The following TOR1AIP1 variants were observed in gnomAD, a reference collection of about 807,000 sequenced individuals.
TOR1AIP1 encodes torsin-1A-interacting protein 1.
TOR1AIP1 carries 54 observed loss-of-function variants against 63.3 expected under a neutral mutation model. The observed-to-expected ratio is 0.85, with a 90% CI of 0.69 to 1.07. The LOEUF is 1.07. Among genes scored for constraint, TOR1AIP1 ranks in the 50% least tolerant of loss-of-function variants. The probability of loss-of-function intolerance (pLI) is 0.00; values close to 1 mark genes in which losing one functional copy is unlikely to be tolerated. For missense variants in TOR1AIP1, 736 were observed against 715.0 expected, an observed-to-expected ratio of 1.03 and a Z score of -0.33; for synonymous variants, 294 against 273.5, an observed-to-expected ratio of 1.07 and a Z score of -0.74.
chr1:179,902,420 C>T (rs925797049), intron 5 of TOR1AIP1, among the ~76,000 whole-genome samples: 1 of 151,956 alleles, frequency 6.6e-6, no homozygotes, highest in Non-Finnish European at 1.5e-5. Flanking sequence ...CAGGATCTCT[C>T]TCTGTCACCC....
At chr1:179,887,711 A>G (rs777265772) in intron 2 of TOR1AIP1, 1 of 152,206 alleles carries the variant, frequency 6.6e-6, no homozygotes, top group African/African-American at 2.4e-5. Context: ...GACAAATTCT[A>G]TTTACTTTTC....
chr1:179,889,077 A>G (rs1056876232), intron 2 of TOR1AIP1, among the ~76,000 whole-genome samples: 1 of 152,226 alleles, frequency 6.6e-6, no homozygotes, highest in Non-Finnish European at 1.5e-5. Context: ...TTTGCTGAGA[A>G]AAAATGCAAA....
intron 6 of TOR1AIP1, among the ~76,000 whole-genome samples, chr1:179,906,740 C>CG (rs1558044597): frequency 3.6e-5 from 5 of 139,940 alleles, no homozygotes; most frequent in Middle Eastern, 7.2e-3. Flanking sequence ...GTTCCCCCCC[C>CG]CCCTTTTTTT....
In TOR1AIP1 at chr1:179,917,985, A is replaced by T. The variant is rs751149864; in HGVS notation, c.1498A>T (p.Asn500Tyr). ...LIFYKYCDHE[N>Y]AAFKDVALVL... ...CTTCTACAAATATTGTGACCATGAA[A>T]ACGCGGCCTTCAAAGATGTAGCCTT... is the stretch of plus-strand genomic sequence containing the variant. The change falls in exon 10 of 10, where the codon AAC becomes TAC. Residue 500 changes from asparagine (N) to tyrosine (Y), a missense_variant. Transcript: ENST00000606911. The T allele has an allele frequency of 6.2e-7, 1 of 1,614,234 alleles. No homozygotes were observed. The highest frequency in any genetic ancestry group is 1.7e-5 in the Admixed American group (1 of 60,020).
chr1:179,903,999 A>T lies in TOR1AIP1; in HGVS notation c.773A>T (p.Glu258Val). ...KTTRSSSQYI[E>V]SFWQSSQSQN... ...ACCAGATCATCTAGTCAATATATAG[A>T]ATCATTTTGGCAGTCATCACAAAGT... The change falls in exon 6 of 10, where the codon GAA (glutamate) becomes GTA (valine). Residue 258 changes from glutamate (E) to valine (V), a missense_variant. Transcript: ENST00000606911. The T allele has an allele frequency of 6.2e-7, 1 of 1,608,554 alleles. No homozygotes were observed. The highest frequency in any genetic ancestry group is 8.5e-7 in the Non-Finnish European group (1 of 1,176,318).
intron 8 of TOR1AIP1, chr1:179,913,702 C>A (rs1648906487): frequency 1.0e-5 from 7 of 701,508 alleles, no homozygotes; most frequent in Non-Finnish European, 1.8e-5. Flanking sequence ...TTTCACCAAT[C>A]CCATTAGATA....
intron 8 of TOR1AIP1, among the ~76,000 whole-genome samples, chr1:179,910,582 T>C (rs1648801890): frequency 6.6e-6 from 1 of 152,240 alleles, no homozygotes. Flanking sequence ...TTTCCTCTTA[T>C]AATTTGCTCT....
At chr1:179,904,206 C>T (rs957999483) in intron 6 of TOR1AIP1, among the ~76,000 whole-genome samples, 184 bp downstream of exon 6, 3 of 152,112 alleles carry the variant, frequency 2.0e-5, no homozygotes, top group African/African-American at 7.2e-5. Context: ...ATTCTCTATA[C>T]CCAAACCTGA....
rs1553243784 is a variant in TOR1AIP1, at chr1:179,907,655, TTA to T, written c.797-157_797-156del. Among the ~76,000 whole-genome samples, 4 of 138,788 alleles carry T rather than the reference TTA, an allele frequency of 2.9e-5. No homozygotes were observed. The Admixed American group carries it at 3.0e-4, about 10-fold the overall frequency. The allele number at this position is 138,788 out of a possible 152,430, so 91.1% of individuals were successfully genotyped here. ...TATATATATAGTATATGTATGTTTT[TTA>T]TATATATATACTTTATATATTTATA... On this transcript the variant is annotated intron_variant, in intron 6 of 9. Coordinates refer to ENST00000606911, the MANE Select transcript of TOR1AIP1 (RefSeq NM_015602.4).
At chr1:179,899,434 A>T (rs1376051573) in intron 3 of TOR1AIP1, among the ~76,000 whole-genome samples, 1 of 152,164 alleles carries the variant, frequency 6.6e-6, no homozygotes, top group African/African-American at 2.4e-5. Context: ...CTTTGGATAC[A>T]CCAATGCTCG....
chr1:179,901,213 A>G, intron 4 of TOR1AIP1, 89 bp from the exon 5 acceptor site: 1 of 782,080 alleles, frequency 1.3e-6, no homozygotes, highest in Non-Finnish European at 2.0e-6. Flanking sequence ...GGCTTCTTTT[A>G]ATGTTAAATT....
At chr1:179,913,836 A>T (rs1648910241) in intron 8 of TOR1AIP1, among the ~76,000 whole-genome samples, 162 bp from the exon 9 acceptor site, 1 of 152,224 alleles carries the variant, frequency 6.6e-6, no homozygotes. Flanking sequence ...AGGAGCTCTC[A>T]GTCTAATCGG....
intron 3 of TOR1AIP1, among the ~76,000 whole-genome samples, chr1:179,898,720 C>T (rs2148475890): frequency 6.6e-6 from 1 of 152,092 alleles, no homozygotes; most frequent in South Asian, 2.1e-4. Context: ...AACCCCATCT[C>T]TTGTTTTAAA....
intron 8 of TOR1AIP1, among the ~76,000 whole-genome samples, chr1:179,910,627 A>G (rs1208770303): frequency 1.3e-5 from 2 of 152,234 alleles, no homozygotes; most frequent in Non-Finnish European, 2.9e-5. Flanking sequence ...CCAAACATTA[A>G]TTATTCAGCT....
At chr1:179,891,464 C>A (rs1159715575) in intron 3 of TOR1AIP1, among the ~76,000 whole-genome samples, 1 of 152,092 alleles carries the variant, frequency 6.6e-6, no homozygotes, top group African/African-American at 2.4e-5. Flanking sequence ...ACCTTGTGAT[C>A]TACCCCACTT....
In TOR1AIP1 at chr1:179,917,727, G is replaced by A; in HGVS notation, c.1240G>A (p.Ala414Thr). The change falls in exon 10 of 10, where the codon GCT becomes ACT. Residue 414 changes from alanine to threonine, a missense_variant. Transcript: ENST00000606911. The stretch of plus-strand genomic sequence containing the variant: ...TCAGCCTGCTATCTTACTGCTCACT[G>A]CTGCCCGAGATGCTGAAGAAGCACT... Reference protein sequence around the residue: ...RSQPAILLLTAARDAEEALRC... With the variant: ...RSQPAILLLTTARDAEEALRC... 6.2e-7 allele frequency: 1 copy of A among 1,614,180 alleles called. No individual in the cohort carries two copies. The highest frequency in any genetic ancestry group is 8.5e-7 in the Non-Finnish European group (1 of 1,180,040).
At chr1:179,902,455 A>G (rs913984545) in intron 5 of TOR1AIP1, among the ~76,000 whole-genome samples, 2 of 150,418 alleles carry the variant, frequency 1.3e-5, no homozygotes, top group East Asian at 2.0e-4. Context: ...TGATGCGATC[A>G]TGGCTCACTG....
chr1:179,912,002 C>T (rs56093621), intron 8 of TOR1AIP1, among the ~76,000 whole-genome samples: 213 of 127,238 alleles, frequency 1.7e-3, no homozygotes, highest in Middle Eastern at 4.2e-3. Context: ...TTTCTTTTTT[C>T]TTTTTTTTCT....
intron 2 of TOR1AIP1, among the ~76,000 whole-genome samples, chr1:179,887,123 G>C (rs570680413): frequency 2.0e-5 from 3 of 152,168 alleles, no homozygotes; most frequent in African/African-American, 7.2e-5. Flanking sequence ...ACCTAGGCCC[G>C]GCATGGTGGC....
Sources: gnomAD v4.1 joint callset for allele counts (sites outside exome capture counted in the v4.1 genomes callset) on GRCh38, gnomAD v4.1.1 for gene constraint, MANE v1.5 for transcripts, NCBI Gene and HGNC (gene_info 2026-07-23, HGNC 2026-07-21) for gene names.